SPG7: variants seen among roughly 807,000 people sequenced by gnomAD.
The protein encoded by SPG7 is SPG7 matrix AAA peptidase subunit, paraplegin.
A neutral mutation model predicts 81.9 loss-of-function variants in SPG7; 103 were observed. The ratio of observed to expected loss-of-function variants is 1.26; its 90% CI spans 1.07 to 1.48. The LOEUF (loss-of-function observed/expected upper bound fraction) is 1.48, where lower values mean the gene tolerates loss of function less well. Ranked by LOEUF, SPG7 falls within the 40% of genes most tolerant of loss-of-function variation. The pLI is 0.00. For missense variants in SPG7, 1,241 were observed against 1,087.3 expected, an observed-to-expected ratio of 1.14 and a Z score of -1.99; for synonymous variants, 534 against 444.2, an observed-to-expected ratio of 1.20 and a Z score of -2.54.
rs1454732864 is a variant in SPG7 at position 89,530,776 on chromosome 16, C to A, written c.955C>A (p.Leu319Met). 6.2e-7 allele frequency: 1 copy of A among 1,614,080 alleles called. No individual in the cohort carries two copies. Among genetic ancestry groups the A allele is most frequent in the African/African-American group, 1.3e-5 (1 of 74,928 alleles). ...CGTGGCAGGAATGCACGAAGCCAAA[C>A]TGGAAGTCCGCGAGTTTGTGGATTA... ...KDVAGMHEAK[L>M]EVREFVDYLK... The change falls in exon 7 of 17, where the codon CTG (leucine) becomes ATG (methionine). Residue 319 changes from leucine (L) to methionine (M), a missense_variant. By Grantham distance (15) the Leu-to-Met change is conservative. Transcript: ENST00000645818.
At chr16:89,524,378 A>AT in intron 4 of SPG7, 131 bp downstream of exon 4, 1 of 994,222 alleles carries the variant, frequency 1.0e-6, no homozygotes, top group Non-Finnish European at 1.5e-6. Context: ...GATACCTGTG[A>AT]TTGAGGGCAT....
At chr16:89,528,000 C>G (rs916300826) in intron 5 of SPG7, among the ~76,000 whole-genome samples, 1 of 151,840 alleles carries the variant, frequency 6.6e-6, no homozygotes, top group Admixed American at 6.6e-5. Context: ...TGCTCTGAGG[C>G]TGTGTGTCTC....
At chr16:89,554,608 C>T in intron 16 of SPG7, 45 bp downstream of exon 16, 2 of 1,329,702 alleles carry the variant, frequency 1.5e-6, no homozygotes, top group Non-Finnish European at 2.1e-6. Context: ...CACACAGTGT[C>T]CACACAGCAC....
chr16:89,521,001 C>G (rs1249209928), intron 3 of SPG7: 1 of 152,268 alleles, frequency 6.6e-6, no homozygotes, highest in African/African-American at 2.4e-5. Context: ...GTGTGCAAGG[C>G]CTGTTTGTGG....
At chr16:89,542,007 C>G (rs560453653) in intron 9 of SPG7, 1 of 150,900 alleles carries the variant, frequency 6.6e-6, no homozygotes, top group Non-Finnish European at 1.5e-5. Context: ...GGGGGGAGCA[C>G]GTGCCCCGCA....
intron 13 of SPG7, among the ~76,000 whole-genome samples, 187 bp downstream of exon 13, chr16:89,550,796 C>T (rs1159196971): frequency 1.3e-5 from 2 of 152,112 alleles, no homozygotes; most frequent in Non-Finnish European, 1.5e-5. Context: ...GGGTGGGTGG[C>T]GACTGATGGG....
Position 89,530,606 on chromosome 16 carries a change from C to T in SPG7, c.862-77C>T, listed in dbSNP as rs183376925. 5.3e-5 allele frequency: 84 copies of T among 1,580,790 alleles called. 1 individual carries two copies. Among genetic ancestry groups the T allele is most frequent in the Admixed American group, 3.7e-4 (22 of 59,944 alleles). On this transcript the variant is annotated intron_variant, in intron 6 of 16. Transcript: ENST00000645818. ...ACGTGGGGTTGGGGCGGCTCAGGTG[C>T]GTGGGCTGAGCGCTGGCATCGTGCT...
At chr16:89,532,847 G>A (rs998297244) in intron 9 of SPG7, 10 of 586,648 alleles carry the variant, frequency 1.7e-5, no homozygotes, top group African/African-American at 1.7e-4. Context: ...ACTTTGGGAG[G>A]CCAAGACAGG....
rs1395182667 is a variant in SPG7, at chr16:89,532,444, T to A, written c.1151-19T>A. The stretch of plus-strand genomic sequence containing the variant: ...TTTTATTAACTGCCCATTTCCTGAT[T>A]CTCTCTGTGTCCCCTCAGGCCTCGG... On this transcript the variant is annotated intron_variant, in intron 8 of 16. Coordinates refer to ENST00000645818, the MANE Select transcript of SPG7 (RefSeq NM_003119.4). 6.2e-7 allele frequency: 1 copy of A among 1,613,016 alleles called. No individual in the cohort carries two copies. The highest frequency in any genetic ancestry group is 1.7e-5 in the Admixed American group (1 of 60,010).
At chr16:89,510,172 A>G (rs1025993068) in intron 1 of SPG7, among the ~76,000 whole-genome samples, 2 of 149,958 alleles carry the variant, frequency 1.3e-5, no homozygotes, top group African/African-American at 4.9e-5. Flanking sequence ...ATGAGGTTTC[A>G]CCATGTTGGC....
chr16:89,546,080 C>G, intron 10 of SPG7: 1 of 303,920 alleles, frequency 3.3e-6, no homozygotes, highest in Non-Finnish European at 6.4e-6. Context: ...CCTCTCCTTC[C>G]AAGAGCGTTC....
In SPG7 at chr16:89,531,914, G is replaced by A. The variant is rs774963488; in HGVS notation, c.998G>A (p.Arg333His). The A allele has an allele frequency of 4.3e-6, 7 of 1,614,102 alleles. No homozygotes were observed. Among genetic ancestry groups the A allele is most frequent in the African/African-American group, 1.3e-5 (1 of 75,062 alleles). ...EFVDYLKSPE[R>H]FLQLGAKVPK... ...TCTGCTGCCGTCCAGAGCCCAGAAC[G>A]CTTCCTCCAGCTTGGCGCCAAGGTC... is the stretch of plus-strand genomic sequence containing the variant. The change falls in exon 8 of 17, where the codon CGC becomes CAC. Residue 333 changes from arginine to histidine, a missense_variant. Transcript: ENST00000645818.
chr16:89,548,518 C>T (rs939278379), intron 12 of SPG7: 10 of 305,308 alleles, frequency 3.3e-5, no homozygotes, highest in Non-Finnish European at 6.3e-5. Flanking sequence ...CCGCCCGTGG[C>T]TGTGGAGGGA....
At chr16:89,544,290 C>A (rs1241860539) in intron 9 of SPG7, 2 of 313,550 alleles carry the variant, frequency 6.4e-6, no homozygotes, top group Non-Finnish European at 1.2e-5. Flanking sequence ...TAAAATGTTA[C>A]AAAGTCACAA....
chr16:89,532,868 G>T, intron 9 of SPG7: 1 of 543,440 alleles, frequency 1.8e-6, no homozygotes, highest in South Asian at 2.0e-5. Flanking sequence ...CGGATCACCA[G>T]AGGTCAGGAT....
At chr16:89,545,972 C>T (rs753232592) in intron 10 of SPG7, 3 of 441,560 alleles carry the variant, frequency 6.8e-6, no homozygotes, top group African/African-American at 4.1e-5. Flanking sequence ...GCTAGGACTA[C>T]TATGGGCGTG....
Position 89,543,245 on chromosome 16 carries a change from C to CCACCAGTGGATTCTTTTTTTTTTTTTTTT in SPG7, c.1325-1403_1325-1402insCACCAGTGGATTCTTTTTTTTTTTTTTTT. 4 of 149,316 alleles carry CCACCAGTGGATTCTTTTTTTTTTTTTTTT rather than the reference C, an allele frequency of 2.7e-5. No individual in the cohort carries two copies. In the South Asian group the frequency reaches 6.5e-4, roughly 24 times the overall value. The allele number at this position is 149,316 out of a possible 1,614,324, so 9.2% of individuals were successfully genotyped here. On this transcript the variant is annotated intron_variant, in intron 9 of 16. Coordinates refer to ENST00000645818, the MANE Select transcript of SPG7 (RefSeq NM_003119.4). ...TACAGGCGTGAGCCACCGCGCCTGG[C>CCACCAGTGGATTCTTTTTTTTTTTTTTTT]TATATCCTGTTCTTACATTAGTCAC...
In SPG7 at chr16:89,508,534, G is replaced by T. The variant is rs2057961693; in HGVS notation, c.117G>T (p.Arg39Ser). ...CAGGGTTCCCCGCCAGGCCCGGGAG[G>T]GGGCGGCCGTACATGGCCAGCAGGC... is the stretch of plus-strand genomic sequence containing the variant. ...WSPGFPARPG[R>S]GRPYMASRPP... is the part of the protein sequence containing the mutation. The change falls in exon 1 of 17, where the codon AGG becomes AGT. Residue 39 changes from arginine (R) to serine (S), a missense_variant. Physicochemically the swap from Arg to Ser is moderately radical, Grantham distance 110. Transcript: ENST00000645818. 6.6e-7 allele frequency: 1 copy of T among 1,512,618 alleles called. No individual in the cohort carries two copies. Among genetic ancestry groups the T allele is most frequent in the Non-Finnish European group, 8.8e-7 (1 of 1,135,994 alleles). 93.7% of individuals were successfully genotyped at this position (1,512,618 alleles called of 1,614,324 possible). A position where few individuals can be genotyped will look rare whatever the true frequency, so the allele number is the denominator to read the frequency against.
At chr16:89,523,527 C>T (rs2058218390) in intron 3 of SPG7, 3 of 357,856 alleles carry the variant, frequency 8.4e-6, no homozygotes, top group South Asian at 6.2e-5. Context: ...CCATTGTGAG[C>T]TTGCACTTTG....
Sources: gnomAD v4.1 joint callset for allele counts (sites outside exome capture counted in the v4.1 genomes callset) on GRCh38, gnomAD v4.1.1 for gene constraint, MANE v1.5 for transcripts, NCBI Gene and HGNC (gene_info 2026-07-23, HGNC 2026-07-21) for gene names.